Variants in CIMIP5 observed in about 807,000 individuals in gnomAD.
CIMIP5 encodes the protein uncharacterized protein C2orf50.
At chr2:11,140,394 A>T in the CIMIP5 span, 2 of 639,112 alleles carry the variant, frequency 3.1e-6, no homozygotes, top group Non-Finnish European at 4.8e-6. Flanking sequence ...AAAAAAAAAA[A>T]AAAATTATTT....
the CIMIP5 span, among the ~76,000 whole-genome samples, chr2:11,138,898 CTTTTTTTTATT>C: frequency 6.6e-6 from 1 of 151,834 alleles, no homozygotes; most frequent in East Asian, 1.9e-4. Context: ...ATTACACCTT[CTTTTTTTTATT>C]TTTATTTTTA....
chr2:11,151,470 A>T, the CIMIP5 span, among the ~76,000 whole-genome samples: 1 of 152,246 alleles, frequency 6.6e-6, no homozygotes. Flanking sequence ...GTAACCACCT[A>T]AAGGGCTCAC....
At chr2:11,133,564 AG>A in the CIMIP5 span, 1 of 1,604,784 alleles carries the variant, frequency 6.2e-7, no homozygotes, top group Non-Finnish European at 8.5e-7. Context: ...GAGCTCCTGG[AG>A]GCCGAGCGGC....
At chr2:11,133,142 A>C in the CIMIP5 span, 5 of 578,682 alleles carry the variant, frequency 8.6e-6, no homozygotes, top group Non-Finnish European at 1.4e-5. Context: ...TGCTCTCCCC[A>C]GCCCGGAGAG....
chr2:11,154,367 C>A, the CIMIP5 span, among the ~76,000 whole-genome samples: 1 of 151,650 alleles, frequency 6.6e-6, no homozygotes, highest in Non-Finnish European at 1.5e-5. Context: ...TTTCCATAGG[C>A]GGAGGTGATG....
chr2:11,137,323 G>A, the CIMIP5 span, among the ~76,000 whole-genome samples: 3 of 152,158 alleles, frequency 2.0e-5, no homozygotes, highest in East Asian at 1.9e-4. Context: ...GCAATCAGCC[G>A]AGATTGTGCC....
chr2:11,149,226 C>T, the CIMIP5 span, among the ~76,000 whole-genome samples: 1 of 151,698 alleles, frequency 6.6e-6, no homozygotes, highest in Non-Finnish European at 1.5e-5. Flanking sequence ...AGCCAAACCT[C>T]ACCAATAACA....
chr2:11,137,182 G>T, the CIMIP5 span, among the ~76,000 whole-genome samples: 1 of 152,170 alleles, frequency 6.6e-6, no homozygotes, highest in Admixed American at 6.5e-5. Flanking sequence ...AGACTAGCCT[G>T]GCCAACATGG....
the CIMIP5 span, chr2:11,133,149 A>T: frequency 1.7e-6 from 1 of 601,878 alleles, no homozygotes; most frequent in Non-Finnish European, 2.6e-6. Context: ...CCCAGCCCGG[A>T]GAGCCCTGTC....
At chr2:11,148,337 A>G in the CIMIP5 span, among the ~76,000 whole-genome samples, 26,190 of 151,870 alleles carry the variant, frequency 0.17, 6,646 homozygotes, top group African/African-American at 0.56. Flanking sequence ...GGCTGTTCTC[A>G]AACTCCCGAC....
chr2:11,133,395 C>CCCACCAGG, the CIMIP5 span: 1 of 1,612,248 alleles, frequency 6.2e-7, no homozygotes, highest in Non-Finnish European at 8.5e-7. Flanking sequence ...CCGATTGCCC[C>CCCACCAGG]CCACCAGGCC....
the CIMIP5 span, among the ~76,000 whole-genome samples, chr2:11,150,884 A>C: frequency 6.6e-6 from 1 of 151,882 alleles, no homozygotes; most frequent in South Asian, 2.1e-4. Flanking sequence ...AAAAAAAAAA[A>C]CAAAAAACAA....
chr2:11,150,672 C>T, the CIMIP5 span, among the ~76,000 whole-genome samples: 1 of 151,492 alleles, frequency 6.6e-6, no homozygotes, highest in Non-Finnish European at 1.5e-5. Context: ...GGGGAATGGC[C>T]ACTGTGAAAG....
At chr2:11,140,935 C>T in the CIMIP5 span, among the ~76,000 whole-genome samples, 1 of 152,018 alleles carries the variant, frequency 6.6e-6, no homozygotes, top group African/African-American at 2.4e-5. Context: ...GGTATCACCA[C>T]CTCCAATCCA....
At chr2:11,150,322 G>T in the CIMIP5 span, among the ~76,000 whole-genome samples, 1 of 123,486 alleles carries the variant, frequency 8.1e-6, no homozygotes, top group African/African-American at 3.0e-5. Context: ...CGAAAAATTT[G>T]TGTTTAGGAT....
the CIMIP5 span, chr2:11,133,326 A>G: frequency 6.3e-7 from 1 of 1,584,712 alleles, no homozygotes; most frequent in Non-Finnish European, 8.5e-7. Flanking sequence ...ACACACACAC[A>G]CTTGCACCAT....
the CIMIP5 span, among the ~76,000 whole-genome samples, chr2:11,143,568 CA>C: frequency 0.028 from 2,885 of 104,394 alleles, 31 homozygotes; most frequent in African/African-American, 0.059. Context: ...ACAAATTTAC[CA>C]AAAAAAAAAA....
the CIMIP5 span, chr2:11,144,026 T>A: frequency 6.2e-7 from 1 of 1,607,746 alleles, no homozygotes. Flanking sequence ...GACACACCCC[T>A]GGGACAGACT....
chr2:11,142,690 G>A, the CIMIP5 span, among the ~76,000 whole-genome samples: 1 of 151,024 alleles, frequency 6.6e-6, no homozygotes, highest in African/African-American at 2.4e-5. Context: ...AGGAAGAGCT[G>A]AGGATGTTTT....
Sources: allele counts gnomAD v4.1 joint callset (sites outside exome capture counted in the v4.1 genomes callset), GRCh38; gene constraint gnomAD v4.1.1; transcripts MANE v1.5; gene names NCBI Gene and HGNC (gene_info 2026-07-23, HGNC 2026-07-21).